Variants in ATP1B3 observed in about 807,000 individuals in gnomAD.
The protein encoded by ATP1B3 is ATPase Na+/K+ transporting subunit beta 3, also known as sodium/potassium-transporting ATPase subunit beta-3.
In ATP1B3, 10 loss-of-function variants were observed where a neutral mutation model predicts 30.2. The ratio of observed to expected loss-of-function variants is 0.33; its 90% CI spans 0.20 to 0.56. ATP1B3 has a LOEUF of 0.56. Ranked by LOEUF, ATP1B3 falls within the 20% of genes least tolerant of loss-of-function variation. The pLI is 0.90. For missense variants in ATP1B3, 238 were observed against 336.7 expected, an observed-to-expected ratio of 0.71 and a Z score of 2.29; for synonymous variants, 113 against 117.0, an observed-to-expected ratio of 0.97 and a Z score of 0.22.
Position 141,876,767 on chromosome 3 carries a change from C to A in ATP1B3, c.-35C>A. On this transcript the variant is annotated 5_prime_UTR_variant, in exon 1 of 7. Transcript: ENST00000286371. ...GCAGCCCTCGCCGCCTCCATCCCCGCGGCCGCAGCTCCTCTCGCCGTCCGC... is the reference window on the plus strand; with the variant it reads ...GCAGCCCTCGCCGCCTCCATCCCCGAGGCCGCAGCTCCTCTCGCCGTCCGC... 6.4e-7 allele frequency: 1 copy of A among 1,550,986 alleles called. No individual in the cohort carries two copies. Among genetic ancestry groups the A allele is most frequent in the South Asian group, 1.1e-5 (1 of 88,346 alleles).
intron 3 of ATP1B3, among the ~76,000 whole-genome samples, chr3:141,912,729 TTG>T (rs1458843690): frequency 1.3e-5 from 2 of 152,242 alleles, no homozygotes; most frequent in Non-Finnish European, 2.9e-5. Flanking sequence ...CTTGCTCACT[TTG>T]TGCCTCTTGG....
chr3:141,893,645 A>G (rs1934001485), intron 1 of ATP1B3, among the ~76,000 whole-genome samples: 1 of 152,192 alleles, frequency 6.6e-6, no homozygotes, highest in South Asian at 2.1e-4. Context: ...GGTATAATTA[A>G]CATACAATAA....
chr3:141,894,093 A>G (rs1934012494), intron 1 of ATP1B3, among the ~76,000 whole-genome samples: 1 of 152,242 alleles, frequency 6.6e-6, no homozygotes, highest in Non-Finnish European at 1.5e-5. Flanking sequence ...TAGAAAAGGT[A>G]CAGTAAAAAT....
In ATP1B3 at chr3:141,889,013, C is replaced by G. The variant is rs989232047; in HGVS notation, c.109+12103C>G. ...GGCTGGGGAGGCTTCAGGAAACTTA[C>G]AATCATGGCAGAAGGCAAAGGGAAA... On this transcript the variant is annotated intron_variant, in intron 1 of 6. Coordinates refer to ENST00000286371, the MANE Select transcript of ATP1B3 (RefSeq NM_001679.4). 2.0e-5 allele frequency among the ~76,000 whole-genome samples: 3 copies of G among 152,202 alleles called. No individual in the cohort carries two copies. In the South Asian group the frequency reaches 6.2e-4, roughly 32 times the overall value.
At chr3:141,915,930 T>G in intron 4 of ATP1B3, 40 bp from the exon 5 acceptor site, 1 of 1,539,550 alleles carries the variant, frequency 6.5e-7, no homozygotes, top group Non-Finnish European at 8.9e-7. Flanking sequence ...CATTGCATAC[T>G]TACGTGAAGT....
At chr3:141,908,956 TGTCACTCCTGC>T (rs2107774999) in intron 3 of ATP1B3, among the ~76,000 whole-genome samples, 2 of 152,314 alleles carry the variant, frequency 1.3e-5, no homozygotes, top group African/African-American at 4.8e-5. Flanking sequence ...AGGCCACCTG[TGTCACTCCTGC>T]TTTGGATCTC....
chr3:141,915,924 G>C, intron 4 of ATP1B3, 46 bp from the exon 5 acceptor site: 3 of 1,497,100 alleles, frequency 2.0e-6, no homozygotes, highest in Non-Finnish European at 2.8e-6. Context: ...AAGTTCCATT[G>C]CATACTTACG....
chr3:141,890,813 T>C (rs1432423597), intron 1 of ATP1B3, among the ~76,000 whole-genome samples: 8 of 152,220 alleles, frequency 5.3e-5, no homozygotes, highest in African/African-American at 1.9e-4. Context: ...GCTGAAGCGA[T>C]CTGCCTGCCT....
At chr3:141,909,063 G>C (rs1220133604) in intron 3 of ATP1B3, among the ~76,000 whole-genome samples, 2 of 152,108 alleles carry the variant, frequency 1.3e-5, no homozygotes, top group Non-Finnish European at 2.9e-5. Context: ...GATCCTTCCT[G>C]TCAACTTGAA....
At chr3:141,881,053 A>C (rs1933713721) in intron 1 of ATP1B3, among the ~76,000 whole-genome samples, 3 of 152,130 alleles carry the variant, frequency 2.0e-5, no homozygotes, top group Non-Finnish European at 2.9e-5. Flanking sequence ...AAGTACAAAA[A>C]TTAGCCCGGC....
chr3:141,892,651 CAAAAAAAAAA>C (rs386398103), intron 1 of ATP1B3, among the ~76,000 whole-genome samples: 27 of 70,026 alleles, frequency 3.9e-4, no homozygotes, highest in East Asian at 3.3e-3. Flanking sequence ...GAGACTGTCT[CAAAAAAAAAA>C]AAAAAAAAAA....
At position 141,890,285 on chromosome 3, in the gene ATP1B3, C is replaced by CTTTTTTTT. The variant is rs775182342; in HGVS notation, c.110-13307_110-13300dup. On this transcript the variant is annotated intron_variant, in intron 1 of 6. Coordinates refer to ENST00000286371, the MANE Select transcript of ATP1B3 (RefSeq NM_001679.4). ...TTTGTTTGTTTGTTTTTTTGTGGGG[C>CTTTTTTTT]TTTTTTTTTTTTTTTTTTTTTTTTT... Among the ~76,000 whole-genome samples the CTTTTTTTT allele has an allele frequency of 3.9e-4, 11 of 28,564 alleles. 1 individual carries two copies. Among genetic ancestry groups the CTTTTTTTT allele is most frequent in the Non-Finnish European group, 5.8e-4 (10 of 17,360 alleles). The allele number at this position is 28,564 out of a possible 152,430, so 18.7% of individuals were successfully genotyped here.
chr3:141,914,796 C>T (rs1486243053), intron 4 of ATP1B3, among the ~76,000 whole-genome samples: 1 of 152,196 alleles, frequency 6.6e-6, no homozygotes, highest in Non-Finnish European at 1.5e-5. Context: ...GGAGAACCAG[C>T]TAGGCCCTGA....
At chr3:141,903,493 C>T in intron 1 of ATP1B3, 127 bp from the exon 2 acceptor site, 1 of 1,357,640 alleles carries the variant, frequency 7.4e-7, no homozygotes, top group Non-Finnish European at 9.9e-7. Flanking sequence ...GGATATTTGG[C>T]TATGTGCATG....
At chr3:141,908,853 TC>T (rs1934307969) in intron 3 of ATP1B3, among the ~76,000 whole-genome samples, 1 of 152,206 alleles carries the variant, frequency 6.6e-6, no homozygotes, top group Non-Finnish European at 1.5e-5. Context: ...TCCTCCAGTT[TC>T]CCCATTACCA....
intron 1 of ATP1B3, among the ~76,000 whole-genome samples, chr3:141,880,663 T>C (rs4683639): frequency 0.11 from 16,381 of 152,216 alleles, 1,080 homozygotes; most frequent in Middle Eastern, 0.16. Flanking sequence ...AGGTTCATTC[T>C]AGCTTTAAAA....
At chr3:141,889,780 C>T (rs1253704514) in intron 1 of ATP1B3, among the ~76,000 whole-genome samples, 8 of 141,528 alleles carry the variant, frequency 5.7e-5, no homozygotes, top group Admixed American at 1.4e-4. Context: ...CACACACACA[C>T]ACACACACAC....
chr3:141,879,494 G>A (rs1353690800), intron 1 of ATP1B3, among the ~76,000 whole-genome samples: 4 of 151,962 alleles, frequency 2.6e-5, no homozygotes, highest in East Asian at 3.9e-4. Flanking sequence ...TTTTGGGGCC[G>A]GGCGCGGTGG....
intron 1 of ATP1B3, among the ~76,000 whole-genome samples, chr3:141,902,569 T>A (rs900926110): frequency 6.6e-6 from 1 of 152,238 alleles, no homozygotes; most frequent in Non-Finnish European, 1.5e-5. Context: ...ACTTTGAATA[T>A]AGACATTTGA....
Sources: gnomAD v4.1 joint callset for allele counts (sites outside exome capture counted in the v4.1 genomes callset) on GRCh38, gnomAD v4.1.1 for gene constraint, MANE v1.5 for transcripts, NCBI Gene and HGNC (gene_info 2026-07-23, HGNC 2026-07-21) for gene names.